Variants in EXOC4 observed in about 807,000 individuals in gnomAD.
The protein encoded by EXOC4 is SEC8-like 1.
EXOC4 carries 71 observed loss-of-function variants against 107.2 expected under a neutral mutation model. The ratio of observed to expected loss-of-function variants is 0.66; its 90% confidence interval spans 0.55 to 0.81. The LOEUF (loss-of-function observed/expected upper bound fraction) is 0.81, where lower values mean the gene tolerates loss of function less well. Ranked by LOEUF, EXOC4 falls within the 30% of genes least tolerant of loss-of-function variation. The pLI is 0.00. For missense variants in EXOC4, 1,108 were observed against 1,189.6 expected, an observed-to-expected ratio of 0.93 and a Z score of 1.01; for synonymous variants, 456 against 441.2, an observed-to-expected ratio of 1.03 and a Z score of -0.42.
chr7:134,077,561 C>T, the EXOC4 span, among the ~76,000 whole-genome samples: 1 of 152,258 alleles, frequency 6.6e-6, no homozygotes, highest in Admixed American at 6.5e-5. Flanking sequence ...TTATTGAGTG[C>T]GCTCAGGCCC....
intron 11 of EXOC4, among the ~76,000 whole-genome samples, chr7:133,862,281 G>A (rs1424596146): frequency 6.6e-6 from 1 of 151,846 alleles, no homozygotes; most frequent in Non-Finnish European, 1.5e-5. Context: ...CACACCAGGA[G>A]TTCAAGACTA....
In EXOC4 at chr7:133,381,995, T is replaced by C. The variant is rs770809138; in HGVS notation, c.1182+6993T>C. 7.7e-4 allele frequency among the ~76,000 whole-genome samples: 118 copies of C among 152,288 alleles called. 1 individual carries two copies. Among genetic ancestry groups the C allele is most frequent in the African/African-American group, 2.7e-3 (113 of 41,582 alleles). Reference sequence around the variant, plus strand: ...GGGCGGGACCTTCAGGTGATTCTTATGCACACTGAAGTTTGAGGACCTTTG... The same window carrying C: ...GGGCGGGACCTTCAGGTGATTCTTACGCACACTGAAGTTTGAGGACCTTTG... On this transcript the variant is annotated intron_variant, in intron 7 of 17. Transcript: ENST00000253861.
At chr7:133,587,127 C>T (rs943494922) in intron 9 of EXOC4, among the ~76,000 whole-genome samples, 30 of 152,124 alleles carry the variant, frequency 2.0e-4, no homozygotes, top group African/African-American at 6.8e-4. Context: ...AGCCACCATG[C>T]CTGGCCCTGA....
intron 14 of EXOC4, among the ~76,000 whole-genome samples, chr7:133,996,605 G>T (rs1456317044): frequency 6.6e-6 from 1 of 151,982 alleles, no homozygotes; most frequent in East Asian, 1.9e-4. Flanking sequence ...CTTTTAGTTG[G>T]CCATAAGCTA....
intron 8 of EXOC4, among the ~76,000 whole-genome samples, chr7:133,479,840 G>T (rs139021022): frequency 3.0e-4 from 45 of 152,352 alleles, no homozygotes; most frequent in African/African-American, 1.1e-3. Context: ...TCCAAATACG[G>T]TTGTAAAGGA....
At chr7:133,706,007 A>G (rs1794762004) in intron 10 of EXOC4, among the ~76,000 whole-genome samples, 2 of 152,376 alleles carry the variant, frequency 1.3e-5, no homozygotes, top group South Asian at 2.1e-4. Flanking sequence ...CTAGAAGCAG[A>G]CAGCATTTAA....
intron 7 of EXOC4, among the ~76,000 whole-genome samples, chr7:133,457,500 G>A (rs1436719387): frequency 6.6e-6 from 1 of 152,126 alleles, no homozygotes; most frequent in Non-Finnish European, 1.5e-5. Flanking sequence ...TCTTCCTTAG[G>A]TAGCTCGCCA....
At chr7:133,842,106 A>G (rs769869295) in intron 11 of EXOC4, among the ~76,000 whole-genome samples, 7 of 152,186 alleles carry the variant, frequency 4.6e-5, no homozygotes, top group African/African-American at 1.2e-4. Context: ...CAGTGCTGCA[A>G]TGCACATATG....
intron 9 of EXOC4, among the ~76,000 whole-genome samples, chr7:133,552,203 G>C (rs978553749): frequency 6.6e-6 from 1 of 152,054 alleles, no homozygotes; most frequent in African/African-American, 2.4e-5. Context: ...GAAAAACATG[G>C]CTCAATTGAA....
chr7:133,752,528 G>A (rs1339979533), intron 10 of EXOC4, among the ~76,000 whole-genome samples: 1 of 152,158 alleles, frequency 6.6e-6, no homozygotes, highest in African/African-American at 2.4e-5. Context: ...TACCCTGTGT[G>A]AAGCCCTGTG....
At chr7:133,321,763 G>A (rs1419966752) in intron 5 of EXOC4, among the ~76,000 whole-genome samples, 2 of 152,090 alleles carry the variant, frequency 1.3e-5, no homozygotes, top group Non-Finnish European at 2.9e-5. Flanking sequence ...AGGGTCAAAC[G>A]GTATTTTTGG....
chr7:133,558,201 C>CTTTTCTTTTCTTTTCTTTTT (rs1554471700), intron 9 of EXOC4, among the ~76,000 whole-genome samples: 2,657 of 125,682 alleles, frequency 0.021, 89 homozygotes, highest in African/African-American at 0.043. Flanking sequence ...CTTTTCTTTT[C>CTTTTCTTTTCTTTTCTTTTT]TTTTCTTTTC....
At chr7:133,990,819 C>T (rs1794238366) in intron 14 of EXOC4, among the ~76,000 whole-genome samples, 1 of 152,034 alleles carries the variant, frequency 6.6e-6, no homozygotes, top group African/African-American at 2.4e-5. Flanking sequence ...TTTCTTCCAC[C>T]ATTCATGAAT....
chr7:133,809,970 C>G (rs1054321208), intron 10 of EXOC4, among the ~76,000 whole-genome samples: 3 of 152,062 alleles, frequency 2.0e-5, no homozygotes, highest in African/African-American at 4.8e-5. Flanking sequence ...CATGATTAGA[C>G]TCAAGTTGCG....
intron 10 of EXOC4, among the ~76,000 whole-genome samples, chr7:133,806,918 C>T (rs943200378): frequency 6.6e-6 from 1 of 152,220 alleles, no homozygotes; most frequent in African/African-American, 2.4e-5. Context: ...CTGGCCTATA[C>T]AGTTGGCCCT....
chr7:133,560,002 C>A (rs1276879647), intron 9 of EXOC4, among the ~76,000 whole-genome samples: 2 of 152,200 alleles, frequency 1.3e-5, no homozygotes, highest in Admixed American at 6.5e-5. Context: ...ATTCTGGACT[C>A]TCTAGAAGTT....
chr7:133,998,917 T>C (rs1794461860), intron 15 of EXOC4, among the ~76,000 whole-genome samples: 1 of 152,094 alleles, frequency 6.6e-6, no homozygotes, highest in Admixed American at 6.5e-5. Flanking sequence ...TGAAGTTTGT[T>C]GACAGATTGT....
chr7:134,098,347 A>G, the EXOC4 span, among the ~76,000 whole-genome samples: 1 of 152,202 alleles, frequency 6.6e-6, no homozygotes, highest in East Asian at 1.9e-4. Flanking sequence ...CACAGAGAGT[A>G]CAGCTGTGTT....
chr7:133,624,578 ATCTC>A (rs1256873165), intron 9 of EXOC4, among the ~76,000 whole-genome samples: 2 of 151,620 alleles, frequency 1.3e-5, no homozygotes, highest in East Asian at 1.9e-4. Flanking sequence ...GCAAGACTGC[ATCTC>A]TCTCTCTCTT....
Sources: allele counts gnomAD v4.1 joint callset (sites outside exome capture counted in the v4.1 genomes callset), GRCh38; gene constraint gnomAD v4.1.1; transcripts MANE v1.5; gene names NCBI Gene and HGNC (gene_info 2026-07-23, HGNC 2026-07-21).